Variants in POSTN observed in about 807,000 individuals in gnomAD.
The protein encoded by POSTN is osteoblast specific factor 2 (fasciclin I-like).
In POSTN, 71 loss-of-function variants were observed where a neutral mutation model predicts 104.5. That is an observed-to-expected ratio of 0.68 (90% CI 0.56 to 0.83). POSTN has a LOEUF of 0.83. Ranked by LOEUF, POSTN falls within the 40% of genes least tolerant of loss-of-function variation. The pLI is 0.00. For missense variants in POSTN, 949 were observed against 1,006.8 expected (o/e 0.94, Z 0.78); for synonymous variants, 355 against 340.7 (o/e 1.04, Z -0.46).
At chr13:37,576,083 T>A (rs907641435) in intron 16 of POSTN, among the ~76,000 whole-genome samples, 8 of 152,156 alleles carry the variant, frequency 5.3e-5, no homozygotes, top group Non-Finnish European at 1.0e-4. Context: ...CAGGTGAAGC[T>A]CTGAGGATTA....
At chr13:37,594,975 A>G (rs181714288) in intron 2 of POSTN, among the ~76,000 whole-genome samples, 48 of 152,108 alleles carry the variant, frequency 3.2e-4, no homozygotes, top group African/African-American at 1.1e-3. Context: ...AAAATAAGCT[A>G]ATACAATTGA....
At chr13:37,576,258 G>A (rs1030214688) in intron 16 of POSTN, among the ~76,000 whole-genome samples, 3 of 152,070 alleles carry the variant, frequency 2.0e-5, no homozygotes, top group African/African-American at 4.8e-5. Flanking sequence ...AGTCAACAAC[G>A]AAATATAAAA....
chr13:37,571,374 T>C lies in POSTN; in HGVS notation c.2174A>G (p.His725Arg), dbSNP rs779639665. The C allele has an allele frequency of 3.8e-5, 61 of 1,599,248 alleles. No homozygotes were observed. Among genetic ancestry groups the C allele is most frequent in the Non-Finnish European group, 4.9e-5 (57 of 1,168,264 alleles). The change falls in exon 18 of 23, where the codon CAT (histidine) becomes CGT (arginine). Residue 725 changes from histidine to arginine, a missense_variant. Transcript: ENST00000379747. ...AGGTAACATAAGGAACGCACCTCCA[T>C]GGATCACTTCAGTTATTGTTTCACC... The part of the protein sequence containing the change: ...KEGETITEVI[H>R]GEPIIKKYTK...
intron 17 of POSTN, among the ~76,000 whole-genome samples, chr13:37,572,395 A>T (rs1020886465): frequency 2.6e-5 from 4 of 151,626 alleles, no homozygotes; most frequent in Admixed American, 1.3e-4. Flanking sequence ...AACCATAAGT[A>T]TTTCATGCCA....
chr13:37,590,512 C>G lies in POSTN; in HGVS notation c.301G>C (p.Val101Leu). The G allele has an allele frequency of 6.2e-7, 1 of 1,611,978 alleles. No homozygotes were observed. The highest frequency in any genetic ancestry group is 8.5e-7 in the Non-Finnish European group (1 of 1,178,700). Residue 101 changes from valine (V) to leucine (L), a missense_variant, in exon 4 of 23, where the codon GTT becomes CTT. Val to Leu is a conservative substitution (Grantham distance 32). Transcript: ENST00000379747. ...GCPAVLPIDH[V>L]YGTLGIVGAT... ...CCCACGATGCCCAGAGTGCCATAAA[C>G]ATGGTCAATGGGCAAAACTGAAATA...
intron 21 of POSTN, among the ~76,000 whole-genome samples, chr13:37,566,389 G>A (rs569069236): frequency 5.9e-5 from 9 of 152,204 alleles, no homozygotes; most frequent in African/African-American, 2.2e-4. Flanking sequence ...ATTTAAAGTT[G>A]GGTGAGAAAC....
At chr13:37,586,112 T>C (rs1566028277) in intron 7 of POSTN, 27 bp downstream of exon 7, 1 of 1,572,904 alleles carries the variant, frequency 6.4e-7, no homozygotes, top group South Asian at 1.2e-5. Flanking sequence ...GCTGGGAGAC[T>C]CCTTAGAGAT....
At chr13:37,569,978 A>G (rs1289040310) in intron 19 of POSTN, among the ~76,000 whole-genome samples, 157 bp from the exon 20 acceptor site, 1 of 151,942 alleles carries the variant, frequency 6.6e-6, no homozygotes, top group African/African-American at 2.4e-5. Context: ...TAGGTATTAT[A>G]TAAATGGATG....
At chr13:37,579,459 A>G in intron 12 of POSTN, 100 bp from the exon 13 acceptor site, 1 of 980,748 alleles carries the variant, frequency 1.0e-6, no homozygotes, top group South Asian at 1.6e-5. Context: ...TCCATATTGT[A>G]CTTTCTCATA....
chr13:37,579,055 C>T lies in POSTN; in HGVS notation c.1858G>A (p.Val620Ile), dbSNP rs746825182. 2 of 1,613,204 alleles carry T rather than the reference C, an allele frequency of 1.2e-6. No homozygotes were observed. The highest frequency in any genetic ancestry group is 2.2e-5 in the East Asian group (1 of 44,748). Reference sequence around the variant, plus strand: ...AGGAGTTTATCTACAACATGAATTACACCATTTGTTGTCATGATGTCAGAT... The same window carrying T: ...AGGAGTTTATCTACAACATGAATTATACCATTTGTTGTCATGATGTCAGAT... ...KESDIMTTNG[V>I]IHVVDKLLYP... The change falls in exon 14 of 23, where the codon GTA (valine) becomes ATA (isoleucine). Residue 620 changes from valine to isoleucine, a missense_variant. Physicochemically the swap from Val to Ile is conservative, Grantham distance 29 (BLOSUM62 3). Transcript: ENST00000379747.
intron 22 of POSTN, among the ~76,000 whole-genome samples, chr13:37,564,197 T>TAAAG (rs1950016431): frequency 4.9e-5 from 2 of 41,140 alleles, no homozygotes; most frequent in Non-Finnish European, 1.1e-4. Context: ...TATATATATA[T>TAAAG]ATATATATAT....
intron 4 of POSTN, among the ~76,000 whole-genome samples, chr13:37,590,149 C>A (rs1395653634): frequency 6.6e-6 from 1 of 151,922 alleles, no homozygotes; most frequent in Non-Finnish European, 1.5e-5. Context: ...ATTCTTGATT[C>A]CCCTTCTTAA....
intron 17 of POSTN, 115 bp downstream of exon 17, chr13:37,574,457 G>T: frequency 1.5e-6 from 2 of 1,355,990 alleles, no homozygotes; most frequent in South Asian, 1.6e-5. Flanking sequence ...TATAATATTG[G>T]TTATATAACA....
intron 22 of POSTN, 24 bp downstream of exon 22, chr13:37,564,495 C>T: frequency 7.0e-7 from 1 of 1,434,104 alleles, no homozygotes; most frequent in Non-Finnish European, 9.7e-7. Flanking sequence ...CATATACACA[C>T]ATTACTATAG....
rs893554230 is a variant in POSTN at position 37,563,285 on chromosome 13, G to T, written c.*48C>A. On this transcript the variant is annotated 3_prime_UTR_variant, in exon 23 of 23. Transcript: ENST00000379747. ...GGCTCTCACAATTTTCTAAGGTCAGGTTATTGACTTAGGGTTGTATAAACA... is the reference window on the plus strand; with the variant it reads ...GGCTCTCACAATTTTCTAAGGTCAGTTTATTGACTTAGGGTTGTATAAACA... 5.1e-6 allele frequency: 7 copies of T among 1,384,984 alleles called. No homozygotes were observed. The highest frequency in any genetic ancestry group is 7.0e-6 in the Non-Finnish European group (7 of 997,554). The allele number at this position is 1,384,984 out of a possible 1,614,324, so 85.8% of individuals were successfully genotyped here. A position where few individuals can be genotyped will look rare whatever the true frequency, so the allele number is the denominator to read the frequency against.
intron 6 of POSTN, 28 bp downstream of exon 6, chr13:37,586,754 A>G: frequency 1.3e-6 from 2 of 1,592,204 alleles, no homozygotes; most frequent in East Asian, 2.3e-5. Flanking sequence ...GATTTCAATG[A>G]CTCAAGACAA....
rs1232867886 is a variant in POSTN, at chr13:37,571,366, C to T, written c.2179+3G>A. ...TCGGCCCCAGGTAACATAAGGAACG[C>T]ACCTCCATGGATCACTTCAGTTATT... On this transcript the variant is annotated splice_donor_region_variant and intron_variant, in intron 18 of 22. Transcript: ENST00000379747. 4 of 1,588,996 alleles carry T rather than the reference C, an allele frequency of 2.5e-6. No homozygotes were observed. The highest frequency in any genetic ancestry group is 1.1e-5 in the South Asian group (1 of 89,696).
At position 37,580,611 on chromosome 13, in the gene POSTN, C is replaced by T; in HGVS notation, c.1479G>A (p.Lys493=). The change falls in exon 11 of 23, where the codon AAG becomes AAA. Residue 493 remains lysine, a synonymous_variant. Transcript: ENST00000379747. ...GAIHIFREII[K]PAEKSLHEKL... ...TTTCATGGAGGGATTTCTCTGCTGG[C>T]TTGATGATCTCGCGGAATATGTGAA... The T allele has an allele frequency of 1.2e-6, 2 of 1,614,128 alleles. No homozygotes were observed.
rs1950737813 is a variant in POSTN at position 37,586,156 on chromosome 13, T to G, written c.878A>C (p.Asp293Ala). ...PRGVLERIMG[D>A]KVASEALMKY... is the part of the protein sequence containing the mutation. ...TAAACTACCTTCGGAAGCCACTTTG[T>G]CTCCCATGATCCTTTCTAGGACACC... The change falls in exon 7 of 23, where the codon GAC becomes GCC. Residue 293 changes from aspartate to alanine, a missense_variant. By Grantham distance (126) the Asp-to-Ala change is moderately radical. Coordinates refer to ENST00000379747, the MANE Select transcript of POSTN (RefSeq NM_006475.3). 1 of 1,609,562 alleles carries G rather than the reference T, an allele frequency of 6.2e-7. No homozygotes were observed. Among genetic ancestry groups the G allele is most frequent in the Non-Finnish European group, 8.5e-7 (1 of 1,177,482 alleles).
Sources: gnomAD v4.1 joint callset for allele counts (sites outside exome capture counted in the v4.1 genomes callset) on GRCh38, gnomAD v4.1.1 for gene constraint, MANE v1.5 for transcripts, NCBI Gene and HGNC (gene_info 2026-07-23, HGNC 2026-07-21) for gene names.